The following NREP variants were observed in gnomAD, a reference collection of about 807,000 sequenced individuals.
NREP encodes neuronal regeneration related protein.
NREP carries 5 observed loss-of-function variants against 8.6 expected under a neutral mutation model. That is an observed-to-expected ratio of 0.58 (90% CI 0.30 to 1.22). NREP has a LOEUF of 1.22. Among genes scored for constraint, NREP ranks in the 50% most tolerant of loss-of-function variants. The probability of loss-of-function intolerance (pLI) is 0.07; values close to 1 mark genes in which losing one functional copy is unlikely to be tolerated. For missense variants in NREP, 86 were observed against 82.5 expected, an observed-to-expected ratio of 1.04 and a Z score of -0.17; for synonymous variants, 27 against 28.0, an observed-to-expected ratio of 0.96 and a Z score of 0.11.
chr5:111,892,072 TTAGTGAGAA>T (rs2112534950), intron 2 of NREP, among the ~76,000 whole-genome samples: 1 of 152,070 alleles, frequency 6.6e-6, no homozygotes, highest in East Asian at 1.9e-4. Flanking sequence ...AAGTAAATAT[TTAGTGAGAA>T]AAGTAGAAAA....
chr5:111,777,875 T>G (rs1480745462), intron 2 of NREP, among the ~76,000 whole-genome samples: 1 of 152,084 alleles, frequency 6.6e-6, no homozygotes, highest in Non-Finnish European at 1.5e-5. Context: ...CTAGTCCAAT[T>G]GTGCTCTGAT....
At chr5:111,789,118 T>A (rs1751680405) in intron 2 of NREP, among the ~76,000 whole-genome samples, 2 of 152,162 alleles carry the variant, frequency 1.3e-5, no homozygotes, top group Non-Finnish European at 2.9e-5. Flanking sequence ...TGTGTGTATA[T>A]AAATACGTAT....
At chr5:111,756,494 A>C (rs183234346) in intron 1 of NREP, among the ~76,000 whole-genome samples, 3 of 152,158 alleles carry the variant, frequency 2.0e-5, no homozygotes, top group African/African-American at 7.2e-5. Flanking sequence ...GGAGAAACTA[A>C]AAGTTCTCAA....
At chr5:111,835,791 T>C (rs80105585) in intron 2 of NREP, among the ~76,000 whole-genome samples, 8,525 of 151,934 alleles carry the variant, frequency 0.056, 557 homozygotes, top group East Asian at 0.24. Context: ...AGGCTGAAGA[T>C]AGGGGGAAAA....
In NREP at chr5:111,730,172, T is replaced by G. The variant is rs1171120811; in HGVS notation, c.*749A>C. Reference sequence around the variant, plus strand: ...CCAACGAGACAATGGTCTCTCACACTCTGGTAGCATTCGCTCAACCTACAA... The same window carrying G: ...CCAACGAGACAATGGTCTCTCACACGCTGGTAGCATTCGCTCAACCTACAA... On this transcript the variant is annotated 3_prime_UTR_variant, in exon 4 of 4. Transcript: ENST00000257435. The G allele has an allele frequency of 6.6e-6, 1 of 152,500 alleles. No homozygotes were observed. Among genetic ancestry groups the G allele is most frequent in the Non-Finnish European group, 1.5e-5 (1 of 68,032 alleles). The allele number at this position is 152,500 out of a possible 1,614,324, so 9.4% of individuals were successfully genotyped here.
intron 2 of NREP, among the ~76,000 whole-genome samples, chr5:111,808,142 A>G (rs140009368): frequency 4.6e-5 from 7 of 152,324 alleles, no homozygotes; most frequent in African/African-American, 1.4e-4. Context: ...GCTAACTTGT[A>G]CTTATCTATA....
intron 2 of NREP, among the ~76,000 whole-genome samples, chr5:111,851,514 T>G (rs578176170): frequency 6.6e-6 from 1 of 152,272 alleles, no homozygotes. Flanking sequence ...ACTGACCACC[T>G]TTTCTTTATC....
rs539468556 is a variant in NREP, at chr5:111,914,008, G to A, written c.135+61266C>T. ...CTAAATGCAAAATTATTTGGTGGCTGCTGGTACTTTTAGATATGAGTCAAT... is the reference window on the plus strand; with the variant it reads ...CTAAATGCAAAATTATTTGGTGGCTACTGGTACTTTTAGATATGAGTCAAT... On this transcript the variant is annotated intron_variant, in intron 2 of 3. Transcript: ENST00000395634. Among the ~76,000 whole-genome samples the A allele has an allele frequency of 1.2e-4, 19 of 152,256 alleles. No individual in the cohort carries two copies. The South Asian group carries it at 3.9e-3, about 32-fold the overall frequency.
intron 2 of NREP, among the ~76,000 whole-genome samples, chr5:111,962,169 T>G (rs1756498535): frequency 6.6e-6 from 1 of 152,182 alleles, no homozygotes; most frequent in African/African-American, 2.4e-5. Flanking sequence ...CTTTGACCAA[T>G]GATGACTACA....
At chr5:111,961,378 C>T (rs970109599) in intron 2 of NREP, among the ~76,000 whole-genome samples, 1 of 152,174 alleles carries the variant, frequency 6.6e-6, no homozygotes, top group African/African-American at 2.4e-5. Flanking sequence ...CAAAAAGAAG[C>T]AATAAGTGCC....
rs190147172 is a variant in NREP at position 111,948,551 on chromosome 5, G to C, written c.135+26723C>G. On this transcript the variant is annotated intron_variant, in intron 2 of 3. Coordinates refer to the NREP transcript ENST00000395634. ...AAAAATCATGTGTCTTATGTACCCA[G>C]TAGAGACAAAAACAAGAGCCCCTCC... Among the ~76,000 whole-genome samples the C allele has an allele frequency of 2.2e-4, 33 of 152,188 alleles. No individual in the cohort carries two copies. In the East Asian group the frequency reaches 6.0e-3, roughly 28 times the overall value.
chr5:111,865,989 C>T (rs1753655208), intron 2 of NREP, among the ~76,000 whole-genome samples: 1 of 152,192 alleles, frequency 6.6e-6, no homozygotes, highest in Admixed American at 6.6e-5. Context: ...TAGCCATTCT[C>T]TGCCAACTTT....
At chr5:111,853,165 T>C (rs770997106) in intron 2 of NREP, among the ~76,000 whole-genome samples, 6 of 152,126 alleles carry the variant, frequency 3.9e-5, no homozygotes, top group South Asian at 2.1e-4. Flanking sequence ...TGATTCCAAC[T>C]ATATAACATT....
At chr5:111,867,162 A>C (rs1340862138) in intron 2 of NREP, among the ~76,000 whole-genome samples, 1 of 151,960 alleles carries the variant, frequency 6.6e-6, no homozygotes, top group Non-Finnish European at 1.5e-5. Context: ...AAAGAAGGTG[A>C]TGGTTAATAT....
At chr5:111,824,709 A>G (rs1353085892) in intron 2 of NREP, among the ~76,000 whole-genome samples, 2 of 152,226 alleles carry the variant, frequency 1.3e-5, no homozygotes, top group African/African-American at 4.8e-5. Context: ...CAGAAAGTTC[A>G]TCAAAAGTAG....
rs145453010 is a variant in NREP, at chr5:111,902,268, C to T, written c.135+73006G>A. On this transcript the variant is annotated intron_variant, in intron 2 of 3. Transcript: ENST00000395634. The stretch of plus-strand genomic sequence containing the variant: ...ATAAACAGAAGATGAAACTAGACCC[C>T]TATCTCTCGCCATCCACAAAAATCA... Among the ~76,000 whole-genome samples the T allele has an allele frequency of 1.8e-3, 275 of 152,198 alleles. 3 individuals are homozygous for T. Among genetic ancestry groups the T allele is most frequent in the African/African-American group, 6.4e-3 (267 of 41,548 alleles).
At chr5:111,769,595 C>T (rs377621714) in intron 2 of NREP, among the ~76,000 whole-genome samples, 14 of 152,200 alleles carry the variant, frequency 9.2e-5, no homozygotes, top group African/African-American at 2.9e-4. Flanking sequence ...CCTGAGACTG[C>T]GAAATTTATG....
intron 2 of NREP, among the ~76,000 whole-genome samples, chr5:111,888,980 T>C (rs2112530203): frequency 6.6e-6 from 1 of 152,340 alleles, no homozygotes; most frequent in South Asian, 2.1e-4. Context: ...TGAAATGATG[T>C]CTATGGTCTA....
intron 2 of NREP, among the ~76,000 whole-genome samples, chr5:111,768,689 C>T (rs531230454): frequency 1.3e-5 from 2 of 152,306 alleles, no homozygotes; most frequent in Admixed American, 1.3e-4. Flanking sequence ...CTGCAAAGGA[C>T]ATGATTTCAT....
Sources: gnomAD v4.1 joint callset for allele counts (sites outside exome capture counted in the v4.1 genomes callset) on GRCh38, gnomAD v4.1.1 for gene constraint, MANE v1.5 for transcripts, NCBI Gene and HGNC (gene_info 2026-07-23, HGNC 2026-07-21) for gene names.